The following XIRP2 variants were observed in gnomAD, a reference collection of about 807,000 sequenced individuals.
XIRP2 encodes xin actin binding repeat containing 2.
A neutral mutation model predicts 277.0 loss-of-function variants in XIRP2; 236 were observed. That is an observed-to-expected ratio of 0.85 (90% CI 0.77 to 0.95). XIRP2 has a LOEUF of 0.95. Among genes scored for constraint, XIRP2 ranks in the 40% least tolerant of loss-of-function variants. The pLI is 0.00. For missense variants in XIRP2, 4,640 were observed against 4,157.5 expected, an observed-to-expected ratio of 1.12 and a Z score of -3.19; for synonymous variants, 1,490 against 1,416.5, an observed-to-expected ratio of 1.05 and a Z score of -1.17.
At chr2:167,194,262 G>A (rs1415707583) in intron 3 of XIRP2, among the ~76,000 whole-genome samples, 1 of 151,694 alleles carries the variant, frequency 6.6e-6, no homozygotes, top group Non-Finnish European at 1.5e-5. Context: ...TGTATTTTTA[G>A]TAGAGACGAG....
intron 2 of XIRP2, among the ~76,000 whole-genome samples, chr2:167,014,930 T>G (rs987380977): frequency 5.3e-5 from 8 of 151,822 alleles, no homozygotes; most frequent in Non-Finnish European, 7.4e-5. Flanking sequence ...CGGTAATACA[T>G]TACATTTTAT....
chr2:167,192,108 G>T (rs1482103304), intron 3 of XIRP2, among the ~76,000 whole-genome samples: 1 of 151,856 alleles, frequency 6.6e-6, no homozygotes, highest in African/African-American at 2.4e-5. Context: ...CATTTTCTCG[G>T]TGTTTTCCAT....
chr2:167,234,803 T>TA, intron 5 of XIRP2, among the ~76,000 whole-genome samples: 1 of 151,902 alleles, frequency 6.6e-6, no homozygotes, highest in Admixed American at 6.6e-5. Flanking sequence ...TTTTTATAAA[T>TA]AAAAAATGAA....
chr2:167,232,644 G>C (rs190204451), intron 5 of XIRP2, among the ~76,000 whole-genome samples: 38 of 152,004 alleles, frequency 2.5e-4, no homozygotes, highest in African/African-American at 8.9e-4. Flanking sequence ...GTTAAGTAAA[G>C]ATACCAAACA....
chr2:167,070,229 TC>T (rs1315735334), intron 2 of XIRP2, among the ~76,000 whole-genome samples: 3 of 152,148 alleles, frequency 2.0e-5, no homozygotes, highest in Non-Finnish European at 4.4e-5. Flanking sequence ...TTTGGATCCC[TC>T]CAATGTCTCT....
At chr2:167,196,944 G>C (rs1221207240) in intron 3 of XIRP2, among the ~76,000 whole-genome samples, 1 of 152,106 alleles carries the variant, frequency 6.6e-6, no homozygotes, top group African/African-American at 2.4e-5. Flanking sequence ...AAATATGATG[G>C]AGACATGAAT....
intron 3 of XIRP2, among the ~76,000 whole-genome samples, chr2:167,188,051 A>G (rs1246941836): frequency 6.6e-6 from 1 of 152,144 alleles, no homozygotes; most frequent in African/African-American, 2.4e-5. Context: ...CTCCTCTGGG[A>G]GTATTACTGG....
At position 167,204,507 on chromosome 2, in the gene XIRP2, T is replaced by G. The variant is rs139946042; in HGVS notation, c.563-6228T>G. Among the ~76,000 whole-genome samples, 121 of 152,318 alleles carry G rather than the reference T, an allele frequency of 7.9e-4. 3 individuals carry two copies. In the East Asian group the frequency reaches 0.021, roughly 26 times the overall value. ...CTTCTCAGCTCTGAAACTCACCCAC[T>G]GTCTGAACTGGTGCAGGTTTTAGAA... is the stretch of plus-strand genomic sequence containing the variant. On this transcript the variant is annotated intron_variant, in intron 3 of 10. Coordinates refer to ENST00000409195, the MANE Select transcript of XIRP2 (RefSeq NM_152381.6).
At chr2:167,239,794 TAAA>T in intron 5 of XIRP2, 58 bp from the exon 6 acceptor site, 1 of 1,447,500 alleles carries the variant, frequency 6.9e-7, no homozygotes, top group African/African-American at 1.5e-5. Context: ...ATTGCACAAA[TAAA>T]AAAAGTTAAA....
chr2:167,141,281 T>G lies in XIRP2; in HGVS notation c.562+5219T>G, dbSNP rs1024222582. On this transcript the variant is annotated intron_variant, in intron 3 of 10. Coordinates refer to ENST00000409195, the MANE Select transcript of XIRP2 (RefSeq NM_152381.6). ...TGATGTGCTGTTTTCATTTGCCCAT[T>G]CATCTGTTCATTCATCAAACAAATA... 5.9e-5 allele frequency among the ~76,000 whole-genome samples: 9 copies of G among 152,328 alleles called. No homozygotes were observed. In the South Asian group the frequency reaches 6.2e-4, roughly 11 times the overall value.
At chr2:167,124,574 G>T (rs1691146744) in intron 2 of XIRP2, 1 of 152,186 alleles carries the variant, frequency 6.6e-6, no homozygotes, top group African/African-American at 2.4e-5. Flanking sequence ...TGGCTACAAA[G>T]GTGGATAAAG....
At chr2:167,048,169 AAT>A (rs1400559847) in intron 2 of XIRP2, among the ~76,000 whole-genome samples, 1 of 151,962 alleles carries the variant, frequency 6.6e-6, no homozygotes, top group East Asian at 1.9e-4. Flanking sequence ...TACTGTGGTC[AAT>A]ATATCTCTTA....
At chr2:167,211,502 T>A (rs1477798925) in intron 4 of XIRP2, among the ~76,000 whole-genome samples, 1 of 152,246 alleles carries the variant, frequency 6.6e-6, no homozygotes, top group Non-Finnish European at 1.5e-5. Flanking sequence ...AGACAATTTA[T>A]GTGTAAGCCA....
chr2:166,940,636 C>A (rs373019758), intron 2 of XIRP2, among the ~76,000 whole-genome samples: 1 of 152,114 alleles, frequency 6.6e-6, no homozygotes, highest in South Asian at 2.1e-4. Flanking sequence ...TGTGGATATC[C>A]TTTCTGTTTG....
At chr2:167,081,219 A>T (rs1257193496) in intron 2 of XIRP2, among the ~76,000 whole-genome samples, 1 of 152,162 alleles carries the variant, frequency 6.6e-6, no homozygotes, top group Non-Finnish European at 1.5e-5. Flanking sequence ...TAATCCCAGC[A>T]CTTTGGGAGG....
At chr2:167,051,666 G>C (rs184694187) in intron 2 of XIRP2, among the ~76,000 whole-genome samples, 1 of 151,956 alleles carries the variant, frequency 6.6e-6, no homozygotes, top group Non-Finnish European at 1.5e-5. Context: ...TGTAGTACAT[G>C]GGTATGTCAT....
At chr2:167,003,173 CA>C (rs543480330) in intron 2 of XIRP2, among the ~76,000 whole-genome samples, 1 of 151,336 alleles carries the variant, frequency 6.6e-6, no homozygotes. Context: ...AACTTATATA[CA>C]AAAAATCCCT....
At chr2:167,230,758 G>A (rs1694725320) in intron 5 of XIRP2, among the ~76,000 whole-genome samples, 1 of 151,820 alleles carries the variant, frequency 6.6e-6, no homozygotes. Context: ...AACTGTAAAG[G>A]GCCTTGTACT....
intron 6 of XIRP2, 57 bp from the exon 7 acceptor site, chr2:167,240,607 T>A: frequency 7.0e-7 from 1 of 1,431,904 alleles, no homozygotes; most frequent in Non-Finnish European, 9.8e-7. Context: ...TTATTTGTAG[T>A]ACTAAAATAA....
Sources: allele counts gnomAD v4.1 joint callset (sites outside exome capture counted in the v4.1 genomes callset), GRCh38; gene constraint gnomAD v4.1.1; transcripts MANE v1.5; gene names NCBI Gene and HGNC (gene_info 2026-07-23, HGNC 2026-07-21).